Variants in NOTCH1 observed in about 807,000 individuals in gnomAD.
NOTCH1 encodes the protein notch receptor 1, also known as neurogenic locus notch homolog protein 1.
In NOTCH1, 37 loss-of-function variants were observed where a neutral mutation model predicts 254.8. The observed-to-expected ratio is 0.15, with a 90% CI of 0.11 to 0.19. NOTCH1 has a LOEUF of 0.19. Ranked by LOEUF, NOTCH1 falls within the 10% of genes least tolerant of loss-of-function variation. The pLI is 1.00. For synonymous variants in NOTCH1, 1,731 were observed against 1,618.1 expected, an observed-to-expected ratio of 1.07 and a Z score of -1.68; for missense variants, 2,972 against 3,708.6, an observed-to-expected ratio of 0.80 and a Z score of 5.16.
At chr9:136,538,064 A>C (rs1441473039) in intron 2 of NOTCH1, among the ~76,000 whole-genome samples, 1 of 152,226 alleles carries the variant, frequency 6.6e-6, no homozygotes, top group Non-Finnish European at 1.5e-5. Context: ...TGGGTGACAA[A>C]GCAAGACTCC....
intron 30 of NOTCH1, 31 bp downstream of exon 30, chr9:136,501,717 C>G (rs2133328356): frequency 6.2e-7 from 1 of 1,607,752 alleles, no homozygotes; most frequent in Middle Eastern, 2.1e-4. Context: ...GGCCACGGGG[C>G]TAGGGAAGCC....
intron 2 of NOTCH1, among the ~76,000 whole-genome samples, chr9:136,525,897 A>C (rs947009707): frequency 1.3e-5 from 2 of 152,262 alleles, no homozygotes; most frequent in Non-Finnish European, 2.9e-5. Context: ...GAGAGAACGC[A>C]AAAGGGCCAC....
At chr9:136,514,123 C>T (rs944634800) in intron 13 of NOTCH1, among the ~76,000 whole-genome samples, 2 of 152,228 alleles carry the variant, frequency 1.3e-5, no homozygotes, top group Non-Finnish European at 2.9e-5. Flanking sequence ...GAACAAAGCA[C>T]GTGCCTTCTC....
chr9:136,504,831 G>T lies in NOTCH1; in HGVS notation c.4860C>A (p.Tyr1620Ter). The stretch of plus-strand genomic sequence containing the variant: ...GCTTGCGCAGCTCCTCCTCGCGGCC[G>T]TAGTAGGGGAAGATCATCTGCTGGC... ...AHGQQMIFPY[Y>*]GREEELRKHP... Residue 1620 changes from tyrosine (Y) to a stop codon, truncating the protein, a stop_gained, in exon 26 of 34, where the codon TAC becomes TAA. Transcript: ENST00000651671. LOFTEE classifies it high-confidence loss of function. 6.3e-7 allele frequency: 1 copy of T among 1,576,174 alleles called. No individual in the cohort carries two copies.
At position 136,506,697 on chromosome 9, in the gene NOTCH1, G is replaced by A. The variant is rs373752718; in HGVS notation, c.3901+19C>T. The A allele has an allele frequency of 3.3e-5, 53 of 1,595,808 alleles. No individual in the cohort carries two copies. The highest frequency in any genetic ancestry group is 1.1e-4 in the African/African-American group (8 of 74,644). ...CCCTGCTGCCCCACACGCCCCACCC[G>A]CCTGGGCGCGGCACCCACCGGTGTG... On this transcript the variant is annotated intron_variant, in intron 23 of 33. Transcript: ENST00000651671. The surrounding 1 kb of genome is among the most constrained non-coding windows in gnomAD (Gnocchi z 4.5).
rs2133328807 is a variant in NOTCH1, at chr9:136,501,815, G to A, written c.5571C>T (p.Ala1857=). The A allele has an allele frequency of 6.2e-7, 1 of 1,612,776 alleles. No individual in the cohort carries two copies. The highest frequency in any genetic ancestry group is 1.3e-5 in the African/African-American group (1 of 75,040). Reference sequence around the variant, plus strand: ...CACCCTGGGGCGGTGTGGGGGCCATGGCAGACATGCGCAGGTCAGCGGCAT... The same window carrying A: ...CACCCTGGGGCGGTGTGGGGGCCATAGCAGACATGCGCAGGTCAGCGGCAT... ...HLDAADLRMS[A]MAPTPPQGEV... The change falls in exon 30 of 34, where the codon GCC becomes GCT. Residue 1857 remains alanine (A), a synonymous_variant. Transcript: ENST00000651671.
At chr9:136,529,988 G>A (rs898527664) in intron 2 of NOTCH1, among the ~76,000 whole-genome samples, 4 of 152,210 alleles carry the variant, frequency 2.6e-5, no homozygotes, top group Non-Finnish European at 5.9e-5. Context: ...GCTGAAAGCT[G>A]CACGGGGGCC....
chr9:136,510,939 T>TC (rs1389154553), intron 16 of NOTCH1, 134 bp from the exon 17 acceptor site: 1 of 1,397,472 alleles, frequency 7.2e-7, no homozygotes, highest in East Asian at 2.4e-5. Flanking sequence ...CCATCCCCTC[T>TC]CCCCTAATTT....
At position 136,497,381 on chromosome 9, in the gene NOTCH1, G is replaced by A. The variant is rs375969725; in HGVS notation, c.6358C>T (p.Arg2120Cys). 9.3e-6 allele frequency: 15 copies of A among 1,609,100 alleles called. No individual in the cohort carries two copies. Among genetic ancestry groups the A allele is most frequent in the Admixed American group, 5.0e-5 (3 of 59,998 alleles). ...VRLLDEYNLV[R>C]SPQLHGAPLG... is the part of the protein sequence containing the mutation. ...GGGGCTCCGTGCAGCTGCGGGCTGC[G>A]CACCAGGTTGTACTCGTCCAGCAGC... Residue 2120 changes from arginine (R) to cysteine (C), a missense_variant, in exon 34 of 34, where the codon CGC (arginine) becomes TGC (cysteine). Coordinates refer to ENST00000651671, the MANE Select transcript of NOTCH1 (RefSeq NM_017617.5).
At chr9:136,523,680 G>A (rs772960342) in intron 3 of NOTCH1, 37 bp downstream of exon 3, 1 of 1,575,080 alleles carries the variant, frequency 6.3e-7, no homozygotes, top group Admixed American at 1.8e-5. Flanking sequence ...GGCGGGCCTG[G>A]GTCTGCCCAC....
Position 136,517,315 on chromosome 9 carries a change from G to T in NOTCH1, c.1512C>A (p.Arg504=), listed in dbSNP as rs763271019. ...GGAACTCATTGATCTTGTCCAGGCA[G>T]CGGCCATTGTGCAGGCAGGGGCTGC... The part of the protein sequence containing the change: ...CASSPCLHNG[R]CLDKINEFQC... Residue 504 remains arginine (R), a synonymous_variant, in exon 9 of 34, where the codon CGC becomes CGA. Transcript: ENST00000651671. 4.3e-6 allele frequency: 7 copies of T among 1,609,906 alleles called. No homozygotes were observed. The highest frequency in any genetic ancestry group is 5.9e-6 in the Non-Finnish European group (7 of 1,178,660).
chr9:136,500,511 C>A (rs774639851), intron 31 of NOTCH1, 41 bp downstream of exon 31: 2 of 1,604,772 alleles, frequency 1.2e-6, no homozygotes, highest in Non-Finnish European at 1.7e-6. Context: ...ACCAGGCGGC[C>A]CTGAGGAGGG....
At position 136,496,276 on chromosome 9, in the gene NOTCH1, T is replaced by C. The variant is rs1208693439; in HGVS notation, c.7463A>G (p.His2488Arg). 3.1e-6 allele frequency: 5 copies of C among 1,599,726 alleles called. No homozygotes were observed. The highest frequency in any genetic ancestry group is 4.3e-6 in the Non-Finnish European group (5 of 1,172,446). ...GTTGTCCACAGGCGAGGAGTAGCTG[T>C]GCTGCGAGGGGGGCGTCAGGAACTG... ...AAQFLTPPSQ[H>R]SYSSPVDNTP... Residue 2488 changes from histidine to arginine, a missense_variant, in exon 34 of 34, where the codon CAC becomes CGC. His to Arg is a conservative substitution (Grantham distance 29). Coordinates refer to ENST00000651671, the MANE Select transcript of NOTCH1 (RefSeq NM_017617.5).
Position 136,515,638 on chromosome 9 carries a change from C to T in NOTCH1, c.1748G>A (p.Gly583Asp), listed in dbSNP as rs1322907050. 6.3e-7 allele frequency: 1 copy of T among 1,598,958 alleles called. No individual in the cohort carries two copies. Among genetic ancestry groups the T allele is most frequent in the Non-Finnish European group, 8.5e-7 (1 of 1,175,562 alleles). ...GCAGAGGCAGGTGAAGGTGGCGACG[C>T]CGTCCTTGCAGGAGCCGTAGTGGCA... ...DPCHYGSCKDGVATFTCLCRP... is the reference protein window; with the variant it reads ...DPCHYGSCKDDVATFTCLCRP... Residue 583 changes from glycine to aspartate, a missense_variant, in exon 11 of 34, where the codon GGC (glycine) becomes GAC (aspartate). Gly to Asp is a moderately conservative substitution (Grantham distance 94). Around this residue, in one of 8 missense-constraint regions of NOTCH1, gnomAD observed 128 missense variants for 193.8 expected, o/e 0.66. Transcript: ENST00000651671.
intron 30 of NOTCH1, among the ~76,000 whole-genome samples, chr9:136,501,208 C>T (rs146363109): frequency 1.3e-5 from 2 of 152,098 alleles, no homozygotes; most frequent in Admixed American, 6.6e-5. Flanking sequence ...CCGAGGTGGG[C>T]GGATCACCTG....
rs1274978757 is a variant in NOTCH1, at chr9:136,523,797, G to A, written c.323C>T (p.Thr108Ile). 1.2e-6 allele frequency: 2 copies of A among 1,611,764 alleles called. No homozygotes were observed. Among genetic ancestry groups the A allele is most frequent in the South Asian group, 2.2e-5 (2 of 90,958 alleles). Residue 108 changes from threonine (T) to isoleucine (I), a missense_variant, in exon 3 of 34, where the codon ACC becomes ATC. Coordinates refer to ENST00000651671, the MANE Select transcript of NOTCH1 (RefSeq NM_017617.5). Reference protein sequence around the residue: ...CLTPLDNACLTNPCRNGGTCD... With the variant: ...CLTPLDNACLINPCRNGGTCD... ...GGTGCCCCCGTTGCGGCAGGGGTTG[G>A]TGAGGCAGGCATTGTCCAGGGGTGT...
At chr9:136,524,639 CTTT>C (rs869128901) in intron 2 of NOTCH1, among the ~76,000 whole-genome samples, 17 of 54,432 alleles carry the variant, frequency 3.1e-4, no homozygotes, top group Admixed American at 1.4e-3. Context: ...TTTTTCTTTT[CTTT>C]TTTTTTTTTT....
At chr9:136,522,372 C>G (rs1047747043) in intron 4 of NOTCH1, among the ~76,000 whole-genome samples, 1 of 152,188 alleles carries the variant, frequency 6.6e-6, no homozygotes, top group Non-Finnish European at 1.5e-5. Flanking sequence ...ACGTACAACA[C>G]GGGGATCGGG....
rs550776032 is a variant in NOTCH1 at position 136,544,898 on chromosome 9, T to C, written c.62-796A>G. Among the ~76,000 whole-genome samples, 42 of 150,638 alleles carry C rather than the reference T, an allele frequency of 2.8e-4. No homozygotes were observed. The South Asian group carries it at 8.5e-3, about 30-fold the overall frequency. ...CCCTCCCTCCCCATCTTACCGGGGC[T>C]GAGAAACGGGGGAGGGGGGTGTGAC... On this transcript the variant is annotated intron_variant, in intron 1 of 33. Transcript: ENST00000651671.
Sources: gnomAD v4.1 joint callset for allele counts (sites outside exome capture counted in the v4.1 genomes callset) on GRCh38, gnomAD v4.1.1 for gene constraint, gnomAD v4.1.1 regional missense constraint, Gnocchi (gnomAD v3.1) non-coding constraint, MANE v1.5 for transcripts, NCBI Gene and HGNC (gene_info 2026-07-23, HGNC 2026-07-21) for gene names.